The following NFRKB variants were observed in gnomAD, a reference collection of about 807,000 sequenced individuals.
NFRKB encodes nuclear factor related to kappa-B-binding protein.
NFRKB carries 62 observed loss-of-function variants against 135.7 expected under a neutral mutation model. The observed-to-expected ratio is 0.46, with a 90% CI of 0.37 to 0.56. The LOEUF (loss-of-function observed/expected upper bound fraction) is 0.56. Ranked by LOEUF, NFRKB falls within the 20% of genes least tolerant of loss-of-function variation. NFRKB has a pLI of 0.00. For missense variants in NFRKB, 1,545 were observed against 1,662.0 expected (o/e 0.93, Z 1.22); for synonymous variants, 678 against 635.6 (o/e 1.07, Z -1.00).
At position 129,864,823 on chromosome 11, in the gene NFRKB, G is replaced by A. The variant is rs779301594; in HGVS notation, c.3802C>T (p.His1268Tyr). ...QVRIQTVPASHLQQGTASGSS... is the reference protein window; with the variant it reads ...QVRIQTVPASYLQQGTASGSS... The stretch of plus-strand genomic sequence containing the variant: ...CCAGAAGCTGTTCCCTGTTGGAGAT[G>A]GGATGCAGGGACAGTCTGGATGCGC... The change falls in exon 27 of 27, where the codon CAT becomes TAT. Residue 1268 changes from histidine to tyrosine, a missense_variant. By Grantham distance (83) the His-to-Tyr change is moderately conservative. Coordinates refer to ENST00000682444, the MANE Select transcript of NFRKB (RefSeq NM_001143835.2). 1 of 1,614,200 alleles carries A rather than the reference G, an allele frequency of 6.2e-7. No individual in the cohort carries two copies. The highest frequency in any genetic ancestry group is 8.5e-7 in the Non-Finnish European group (1 of 1,180,000).
At chr11:129,886,019 C>T (rs1949260264) in intron 5 of NFRKB, among the ~76,000 whole-genome samples, 3 of 152,190 alleles carry the variant, frequency 2.0e-5, no homozygotes, top group Admixed American at 2.0e-4. Flanking sequence ...CCAAGGAATC[C>T]TCGTTTCCCT....
chr11:129,880,867 A>G (rs1032705726), intron 13 of NFRKB, among the ~76,000 whole-genome samples: 1 of 152,218 alleles, frequency 6.6e-6, no homozygotes, highest in African/African-American at 2.4e-5. Flanking sequence ...GCTTCTCCAC[A>G]GACCACTCAG....
intron 12 of NFRKB, 77 bp downstream of exon 12, chr11:129,881,650 C>T: frequency 6.3e-7 from 1 of 1,589,446 alleles, no homozygotes; most frequent in Non-Finnish European, 8.6e-7. Flanking sequence ...ATTACACGAG[C>T]AAAGCTGCAG....
At chr11:129,872,330 T>C (rs1159371939) in intron 23 of NFRKB, among the ~76,000 whole-genome samples, 1 of 152,120 alleles carries the variant, frequency 6.6e-6, no homozygotes. Context: ...AAAAAAAACA[T>C]TACTTTATCG....
At chr11:129,875,845 C>T (rs1325050944) in intron 17 of NFRKB, among the ~76,000 whole-genome samples, 1 of 151,864 alleles carries the variant, frequency 6.6e-6, no homozygotes, top group Non-Finnish European at 1.5e-5. Flanking sequence ...TTAGTAGAGA[C>T]AGGGTTTCAT....
At position 129,884,862 on chromosome 11, in the gene NFRKB, G is replaced by A. The variant is rs751886042; in HGVS notation, c.641-16C>T. The stretch of plus-strand genomic sequence containing the variant: ...GAGCTGAGATCTTCAAAAGAAAATT[G>A]TTCTTGTAAATCCAACGTGGCTGTG... On this transcript the variant is annotated splice_polypyrimidine_tract_variant and intron_variant, in intron 6 of 26. Transcript: ENST00000682444. 3.1e-6 allele frequency: 5 copies of A among 1,614,146 alleles called. No homozygotes were observed. The highest frequency in any genetic ancestry group is 1.6e-4 in the Middle Eastern group (1 of 6,062).
chr11:129,865,213 A>G (rs1948135182), intron 25 of NFRKB, 112 bp from the exon 26 acceptor site: 4 of 1,305,080 alleles, frequency 3.1e-6, no homozygotes, highest in Non-Finnish European at 4.2e-6. Context: ...TGAAAATCCC[A>G]GCATTTCAGA....
At chr11:129,882,909 A>G (rs1241801926) in intron 9 of NFRKB, among the ~76,000 whole-genome samples, 1 of 152,092 alleles carries the variant, frequency 6.6e-6, no homozygotes, top group Non-Finnish European at 1.5e-5. Context: ...TCAGCCTCCC[A>G]AGTATACAGC....
Position 129,864,589 on chromosome 11 carries a change from C to T in NFRKB, c.*136G>A, listed in dbSNP as rs1948100355. 5 of 1,258,856 alleles carry T rather than the reference C, an allele frequency of 4.0e-6. No individual in the cohort carries two copies. The highest frequency in any genetic ancestry group is 5.5e-6 in the Non-Finnish European group (5 of 905,668). The allele number at this position is 1,258,856 out of a possible 1,614,324, so 78.0% of individuals were successfully genotyped here. ...GGCAGCAGAATCCAGGCCACGAATCCAGGCCACCGTTGCCATCACCCCTCG... is the reference window on the plus strand; with the variant it reads ...GGCAGCAGAATCCAGGCCACGAATCTAGGCCACCGTTGCCATCACCCCTCG... On this transcript the variant is annotated 3_prime_UTR_variant, in exon 27 of 27. Coordinates refer to ENST00000682444, the MANE Select transcript of NFRKB (RefSeq NM_001143835.2).
At position 129,870,036 on chromosome 11, in the gene NFRKB, T is replaced by C; in HGVS notation, c.2989A>G (p.Thr997Ala). 6.2e-7 allele frequency: 1 copy of C among 1,614,252 alleles called. No homozygotes were observed. The highest frequency in any genetic ancestry group is 1.1e-5 in the South Asian group (1 of 91,082). Residue 997 changes from threonine (T) to alanine (A), a missense_variant, in exon 24 of 27, where the codon ACA (threonine) becomes GCA (alanine). Physicochemically the swap from Thr to Ala is moderately conservative, Grantham distance 58. This residue lies in a region of NFRKB where 753 missense variants were observed against 804.3 expected (regional missense o/e 0.94). Transcript: ENST00000682444. The part of the protein sequence containing the change: ...TVKLTQDLFG[T>A]GGNTTGKGIS... ...CCTTTGCCTGTAGTGTTGCCTCCTG[T>C]CCCGAAGAGGTCCTGGGTCAATTTG...
chr11:129,872,562 G>A (rs1027776093), intron 23 of NFRKB: 2 of 201,672 alleles, frequency 9.9e-6, no homozygotes, highest in African/African-American at 2.3e-5. Context: ...CTACTTTCAC[G>A]AGTGGTAAAC....
intron 4 of NFRKB, among the ~76,000 whole-genome samples, chr11:129,886,849 G>T (rs1949303013): frequency 6.6e-6 from 1 of 152,200 alleles, no homozygotes; most frequent in African/African-American, 2.4e-5. Flanking sequence ...CCCCTCTAAA[G>T]CCAAGTGGGT....
chr11:129,888,434 AC>A, intron 4 of NFRKB, 159 bp downstream of exon 4: 1 of 770,014 alleles, frequency 1.3e-6, no homozygotes. Flanking sequence ...GTTTTTTAGA[AC>A]ACAGCCTAGA....
intron 5 of NFRKB, 57 bp downstream of exon 5, chr11:129,886,259 TG>T: frequency 6.4e-7 from 1 of 1,557,714 alleles, no homozygotes; most frequent in East Asian, 2.3e-5. Context: ...AATTGCTTCT[TG>T]AAGTCATGAT....
chr11:129,882,627 T>A lies in NFRKB; in HGVS notation c.906A>T (p.Leu302Phe). Residue 302 changes from leucine (L) to phenylalanine (F), a missense_variant, in exon 10 of 27, where the codon TTA becomes TTT. Leu to Phe is a conservative substitution (Grantham distance 22, BLOSUM62 0). Transcript: ENST00000682444. The part of the protein sequence containing the change: ...NAGRKGSLAA[L>F]YDLAVLKKKV... ...TTTTTTTAAGGACAGCCAAGTCATA[T>A]AAGGCTAGAAAGGCAAAGTAACACC... 6.2e-7 allele frequency: 1 copy of A among 1,613,432 alleles called. No homozygotes were observed. The highest frequency in any genetic ancestry group is 1.3e-5 in the African/African-American group (1 of 74,870).
Position 129,887,036 on chromosome 11 carries a change from T to C in NFRKB, c.338-592A>G, listed in dbSNP as rs552387429. On this transcript the variant is annotated intron_variant, in intron 4 of 26. Transcript: ENST00000682444. ...GTGAAAAGGCTACTCTCTCTGGTCA[T>C]TAGCAGCTGTCAAGTTGTCAAGTTT... 2.6e-5 allele frequency among the ~76,000 whole-genome samples: 4 copies of C among 152,340 alleles called. No individual in the cohort carries two copies. The East Asian group carries it at 7.7e-4, about 29-fold the overall frequency.
chr11:129,866,960 C>T (rs2135632347), intron 24 of NFRKB, among the ~76,000 whole-genome samples: 1 of 152,272 alleles, frequency 6.6e-6, no homozygotes, highest in South Asian at 2.1e-4. Flanking sequence ...AAAAAGCATG[C>T]AAAGAGGGCA....
intron 14 of NFRKB, 52 bp from the exon 15 acceptor site, chr11:129,878,407 A>C: frequency 6.2e-7 from 1 of 1,613,134 alleles, no homozygotes; most frequent in South Asian, 1.1e-5. Flanking sequence ...ATTTGGGCAA[A>C]CTTAAGAGCT....
At chr11:129,889,118 CGCCT>C (rs1949417159) in intron 3 of NFRKB, among the ~76,000 whole-genome samples, 1 of 151,998 alleles carries the variant, frequency 6.6e-6, no homozygotes, top group Non-Finnish European at 1.5e-5. Context: ...CGCACCACCA[CGCCT>C]GCCTATTTTT....
Sources: allele counts gnomAD v4.1 joint callset (sites outside exome capture counted in the v4.1 genomes callset), GRCh38; gene constraint gnomAD v4.1.1; regional missense constraint gnomAD v4.1.1; transcripts MANE v1.5; gene names NCBI Gene and HGNC (gene_info 2026-07-23, HGNC 2026-07-21).